SPOCK1: variants seen among roughly 807,000 people sequenced by gnomAD.
The protein encoded by SPOCK1 is SPARC (osteonectin), cwcv and kazal like domains proteoglycan 1.
A neutral mutation model predicts 55.3 loss-of-function variants in SPOCK1; 23 were observed. The ratio of observed to expected loss-of-function variants is 0.42; its 90% CI spans 0.30 to 0.59. SPOCK1 has a LOEUF of 0.59. SPOCK1 is among the 20% of genes least tolerant of loss of function. The pLI, the probability that SPOCK1 is intolerant of heterozygous loss-of-function variation, is 0.22. For synonymous variants in SPOCK1, 226 were observed against 221.0 expected, an observed-to-expected ratio of 1.02 and a Z score of -0.20; for missense variants, 499 against 552.5, an observed-to-expected ratio of 0.90 and a Z score of 0.97.
At position 136,990,692 on chromosome 5, in the gene SPOCK1, C is replaced by T. The variant is rs150088329; in HGVS notation, c.706+1792G>A. Reference sequence around the variant, plus strand: ...AGAGATAATTTACTTTGGCACTACACAGCTCTATGCTTTTGTAAACAATAT... The same window carrying T: ...AGAGATAATTTACTTTGGCACTACATAGCTCTATGCTTTTGTAAACAATAT... On this transcript the variant is annotated intron_variant, in intron 7 of 10. Transcript: ENST00000394945. Among the ~76,000 whole-genome samples the T allele has an allele frequency of 5.4e-3, 826 of 152,156 alleles. 7 individuals are homozygous for T. Among genetic ancestry groups the T allele is most frequent in the African/African-American group, 0.019 (774 of 41,516 alleles).
intron 2 of SPOCK1, among the ~76,000 whole-genome samples, chr5:137,351,392 A>C (rs576764477): frequency 1.3e-5 from 2 of 152,324 alleles, no homozygotes; most frequent in East Asian, 3.9e-4. Flanking sequence ...GATTAGCGGG[A>C]AGCACCCTCT....
At position 137,277,603 on chromosome 5, in the gene SPOCK1, C is replaced by G. The variant is rs191732789; in HGVS notation, c.187-10548G>C. On this transcript the variant is annotated intron_variant, in intron 2 of 10. Coordinates refer to ENST00000394945, the MANE Select transcript of SPOCK1 (RefSeq NM_004598.4). ...AGGTGACAGCACAGATGACGGGCCTCTCAAGAGATTCTCACTACCACTACC... is the reference window on the plus strand; with the variant it reads ...AGGTGACAGCACAGATGACGGGCCTGTCAAGAGATTCTCACTACCACTACC... Among the ~76,000 whole-genome samples, 15 of 152,282 alleles carry G rather than the reference C, an allele frequency of 9.9e-5. 2 individuals carry two copies. In the East Asian group the frequency reaches 2.5e-3, roughly 26 times the overall value.
Position 137,457,431 on chromosome 5 carries a change from T to C in SPOCK1, c.186+40942A>G, listed in dbSNP as rs1447237608. Among the ~76,000 whole-genome samples the C allele has an allele frequency of 3.3e-5, 5 of 152,176 alleles. No homozygotes were observed. The East Asian group carries it at 9.6e-4, about 29-fold the overall frequency. On this transcript the variant is annotated intron_variant, in intron 2 of 10. Coordinates refer to ENST00000394945, the MANE Select transcript of SPOCK1 (RefSeq NM_004598.4). ...GCATGAGCAGCTTTCAGACTCAACG[T>C]CACTTTTCGAGATTTTTGTTTTCAC... is the stretch of plus-strand genomic sequence containing the variant.
At chr5:137,303,110 G>A (rs1187332195) in intron 2 of SPOCK1, among the ~76,000 whole-genome samples, 1 of 152,162 alleles carries the variant, frequency 6.6e-6, no homozygotes, top group African/African-American at 2.4e-5. Context: ...ATTTTAAAGT[G>A]TGCACTTTTT....
chr5:137,234,890 T>C (rs1756145854), intron 3 of SPOCK1, among the ~76,000 whole-genome samples: 1 of 152,216 alleles, frequency 6.6e-6, no homozygotes, highest in African/African-American at 2.4e-5. Context: ...ATTCTTCCAA[T>C]AAAAATTGCT....
intron 2 of SPOCK1, among the ~76,000 whole-genome samples, chr5:137,472,179 TGGACCTTA>T (rs1753750037): frequency 6.6e-6 from 1 of 151,734 alleles, no homozygotes. Context: ...ACACTTGGAG[TGGACCTTA>T]GGAACAGGGA....
At chr5:137,356,874 G>GAGAGAGAGAGAGATAGTC (rs1561513946) in intron 2 of SPOCK1, among the ~76,000 whole-genome samples, 1 of 68,834 alleles carries the variant, frequency 1.5e-5, no homozygotes, top group African/African-American at 6.4e-5. Flanking sequence ...GAGAGAGAGA[G>GAGAGAGAGAGAGATAGTC]AGTATGCAGA....
chr5:137,087,060 A>G (rs1259765179), intron 5 of SPOCK1, among the ~76,000 whole-genome samples: 2 of 152,232 alleles, frequency 1.3e-5, no homozygotes, highest in Admixed American at 6.5e-5. Flanking sequence ...TTCCCCAGCA[A>G]CTAGAGAAAT....
At chr5:137,261,825 A>C (rs1251015235) in intron 3 of SPOCK1, among the ~76,000 whole-genome samples, 1 of 152,222 alleles carries the variant, frequency 6.6e-6, no homozygotes. Context: ...TTAGTCCTAC[A>C]GTGGCTTGTC....
intron 2 of SPOCK1, among the ~76,000 whole-genome samples, chr5:137,409,732 T>C (rs1326582501): frequency 6.6e-6 from 1 of 152,178 alleles, no homozygotes; most frequent in Non-Finnish European, 1.5e-5. Flanking sequence ...GTTAATTTTG[T>C]TTTTTGGTTT....
chr5:137,083,301 T>C (rs534350638), intron 5 of SPOCK1, among the ~76,000 whole-genome samples: 163 of 152,294 alleles, frequency 1.1e-3, no homozygotes, highest in African/African-American at 3.7e-3. Flanking sequence ...GGGAGCCACA[T>C]TGCTGACTCC....
intron 2 of SPOCK1, among the ~76,000 whole-genome samples, chr5:137,349,656 C>T (rs944245465): frequency 1.3e-5 from 2 of 152,212 alleles, no homozygotes; most frequent in Admixed American, 6.5e-5. Flanking sequence ...TTCCATGCCA[C>T]TCTCCTGGCT....
chr5:136,989,692 T>C (rs982435055), intron 7 of SPOCK1, among the ~76,000 whole-genome samples: 2 of 152,144 alleles, frequency 1.3e-5, no homozygotes, highest in Non-Finnish European at 2.9e-5. Flanking sequence ...AATCTACATA[T>C]TCTCAATGAC....
chr5:137,111,710 C>T (rs1308596121), intron 5 of SPOCK1, among the ~76,000 whole-genome samples: 1 of 152,160 alleles, frequency 6.6e-6, no homozygotes, highest in Non-Finnish European at 1.5e-5. Flanking sequence ...CCCCTGCCTC[C>T]CTGCCTGTAA....
intron 5 of SPOCK1, among the ~76,000 whole-genome samples, chr5:137,107,604 C>T (rs963100882): frequency 6.6e-6 from 1 of 152,176 alleles, no homozygotes; most frequent in Non-Finnish European, 1.5e-5. Context: ...TATCTTTGAT[C>T]CTGGGGGAGT....
intron 2 of SPOCK1, among the ~76,000 whole-genome samples, chr5:137,471,262 T>G (rs1231654817): frequency 6.6e-6 from 1 of 152,226 alleles, no homozygotes; most frequent in Non-Finnish European, 1.5e-5. Context: ...GATTGGCAGA[T>G]TTTGCTGCCC....
At chr5:137,320,647 G>T (rs893217649) in intron 2 of SPOCK1, among the ~76,000 whole-genome samples, 4 of 152,142 alleles carry the variant, frequency 2.6e-5, no homozygotes, top group African/African-American at 9.7e-5. Flanking sequence ...GGCTACAAGC[G>T]CCTGAAAAAG....
chr5:137,060,400 A>C (rs1478414190), intron 6 of SPOCK1, among the ~76,000 whole-genome samples: 1 of 152,160 alleles, frequency 6.6e-6, no homozygotes, highest in Non-Finnish European at 1.5e-5. Context: ...CTAAACACTG[A>C]GTATACATGG....
At chr5:137,203,163 C>T (rs1755457082) in intron 3 of SPOCK1, among the ~76,000 whole-genome samples, 1 of 152,086 alleles carries the variant, frequency 6.6e-6, no homozygotes, top group African/African-American at 2.4e-5. Context: ...CTGATGACAG[C>T]CTGTCTTTTA....
Sources: allele counts gnomAD v4.1 joint callset (sites outside exome capture counted in the v4.1 genomes callset), GRCh38; gene constraint gnomAD v4.1.1; transcripts MANE v1.5; gene names NCBI Gene and HGNC (gene_info 2026-07-23, HGNC 2026-07-21).